Variants in SAMSN1 observed in about 807,000 individuals in gnomAD.
SAMSN1 encodes the protein SAM domain-containing protein SAMSN-1.
SAMSN1 carries 31 observed loss-of-function variants against 42.0 expected under a neutral mutation model. That is an observed-to-expected ratio of 0.74 (90% CI 0.55 to 1.00). The LOEUF (loss-of-function observed/expected upper bound fraction) is 1.00. Among genes scored for constraint, SAMSN1 ranks in the 50% least tolerant of loss-of-function variants. The pLI is 0.00. For synonymous variants in SAMSN1, 178 were observed against 151.9 expected (o/e 1.17, Z -1.26); for missense variants, 464 against 439.4 (o/e 1.06, Z -0.50).
intron 1 of SAMSN1, among the ~76,000 whole-genome samples, chr21:14,649,050 G>A (rs1201545913): frequency 6.6e-6 from 1 of 151,996 alleles, no homozygotes; most frequent in East Asian, 1.9e-4. Context: ...ACTGGATTAA[G>A]AAAATGTGGC....
At chr21:14,595,340 T>G (rs1176314537) in intron 6 of SAMSN1, among the ~76,000 whole-genome samples, 1 of 152,128 alleles carries the variant, frequency 6.6e-6, no homozygotes, top group Non-Finnish European at 1.5e-5. Flanking sequence ...GGAGCTGCCT[T>G]GCTCCCTTTT....
At chr21:14,614,297 T>G (rs111395806) in intron 3 of SAMSN1, among the ~76,000 whole-genome samples, 3,984 of 152,202 alleles carry the variant, frequency 0.026, 106 homozygotes, top group South Asian at 0.08. Context: ...GCAGTTGAGG[T>G]AGTAGAATGG....
intron 2 of SAMSN1, among the ~76,000 whole-genome samples, chr21:14,553,648 C>T (rs996978932): frequency 2.0e-5 from 3 of 152,130 alleles, no homozygotes; most frequent in African/African-American, 4.8e-5. Flanking sequence ...AGATCCTTCA[C>T]ATTTGAATGC....
At chr21:14,545,808 G>A (rs140853329) in intron 1 of SAMSN1, among the ~76,000 whole-genome samples, 62 of 152,218 alleles carry the variant, frequency 4.1e-4, no homozygotes, top group African/African-American at 1.4e-3. Context: ...CTATTTTGAA[G>A]AGCTAATTAC....
intron 2 of SAMSN1, among the ~76,000 whole-genome samples, chr21:14,636,111 G>A (rs1010534506): frequency 3.9e-5 from 6 of 151,992 alleles, no homozygotes; most frequent in East Asian, 1.9e-4. Context: ...CTATTGCTCA[G>A]AAAACTTAGG....
intron 2 of SAMSN1, among the ~76,000 whole-genome samples, chr21:14,564,886 T>A (rs1981059773): frequency 6.6e-6 from 1 of 152,032 alleles, no homozygotes; most frequent in Admixed American, 6.6e-5. Flanking sequence ...AGTTATAGCA[T>A]GCATAATTTC....
intron 7 of SAMSN1, among the ~76,000 whole-genome samples, chr21:14,494,826 G>T (rs1013637900): frequency 1.4e-4 from 21 of 152,084 alleles, no homozygotes; most frequent in African/African-American, 4.8e-4. Context: ...TTAGAAGTCT[G>T]GTTTTTTTCC....
chr21:14,560,945 G>A (rs947488687), intron 2 of SAMSN1, among the ~76,000 whole-genome samples: 5 of 151,518 alleles, frequency 3.3e-5, no homozygotes, highest in African/African-American at 7.3e-5. Flanking sequence ...AAACTAAACC[G>A]TCTTTGCAAA....
At chr21:14,592,061 G>A (rs952617733) in intron 7 of SAMSN1, 10 of 152,286 alleles carry the variant, frequency 6.6e-5, no homozygotes, top group African/African-American at 2.4e-4. Context: ...CTAGCTGGGA[G>A]TTGCCAGGAT....
Position 14,572,246 on chromosome 21 carries a change from C to A in SAMSN1, c.261+9890G>T, listed in dbSNP as rs1981324346. Among the ~76,000 whole-genome samples the A allele has an allele frequency of 2.0e-5, 3 of 152,150 alleles. 1 individual carries two copies. The highest frequency in any genetic ancestry group is 2.0e-4 in the Admixed American group (3 of 15,264). On this transcript the variant is annotated intron_variant, in intron 2 of 8. Transcript: ENST00000285670. ...GTGTCAGGTACAGTTAAAGATGTTACATACATTATCTAGTCCAATTCTTAC... is the reference window on the plus strand; with the variant it reads ...GTGTCAGGTACAGTTAAAGATGTTAAATACATTATCTAGTCCAATTCTTAC...
At chr21:14,609,429 T>C in intron 5 of SAMSN1, 1 of 716,106 alleles carries the variant, frequency 1.4e-6, no homozygotes, top group Non-Finnish European at 2.6e-6. Flanking sequence ...TTACCTGCCC[T>C]TTAAACTACT....
At chr21:14,558,789 T>C (rs1395605379) in intron 2 of SAMSN1, among the ~76,000 whole-genome samples, 2 of 152,230 alleles carry the variant, frequency 1.3e-5, no homozygotes, top group African/African-American at 2.4e-5. Flanking sequence ...GATAATGATC[T>C]ATTATTGATC....
intron 2 of SAMSN1, among the ~76,000 whole-genome samples, chr21:14,641,480 C>G (rs1211817656): frequency 6.6e-6 from 1 of 152,134 alleles, no homozygotes; most frequent in Admixed American, 6.6e-5. Flanking sequence ...CACAAAAGAT[C>G]TGAGTTTGTA....
At chr21:14,491,515 G>A (rs892266590) in intron 7 of SAMSN1, among the ~76,000 whole-genome samples, 4 of 152,200 alleles carry the variant, frequency 2.6e-5, no homozygotes, top group Non-Finnish European at 5.9e-5. Flanking sequence ...GGAAGTTGAG[G>A]CAGAGGGAAA....
At chr21:14,613,582 A>G (rs559952181) in intron 3 of SAMSN1, among the ~76,000 whole-genome samples, 5 of 152,320 alleles carry the variant, frequency 3.3e-5, no homozygotes, top group African/African-American at 9.6e-5. Context: ...GTGAGCAAAA[A>G]CATGCATAGA....
intron 1 of SAMSN1, among the ~76,000 whole-genome samples, chr21:14,544,819 G>C (rs73161259): frequency 6.6e-6 from 1 of 152,082 alleles, no homozygotes; most frequent in South Asian, 2.1e-4. Context: ...TAAAATACAG[G>C]CTTTATTAAA....
intron 1 of SAMSN1, among the ~76,000 whole-genome samples, chr21:14,523,596 A>G (rs1432718074): frequency 6.6e-6 from 1 of 152,212 alleles, no homozygotes; most frequent in Non-Finnish European, 1.5e-5. Flanking sequence ...CTGCTTATAA[A>G]CAATCTGAAC....
At chr21:14,531,848 T>A (rs1351957051) in intron 1 of SAMSN1, among the ~76,000 whole-genome samples, 1 of 152,208 alleles carries the variant, frequency 6.6e-6, no homozygotes, top group South Asian at 2.1e-4. Flanking sequence ...TTACTTCCAT[T>A]AGTCTTAAAA....
intron 2 of SAMSN1, among the ~76,000 whole-genome samples, chr21:14,635,798 C>T (rs1356131411): frequency 2.0e-5 from 3 of 151,892 alleles, no homozygotes; most frequent in Non-Finnish European, 4.4e-5. Context: ...ACATTTGATG[C>T]TCGCTGCAAA....
Sources: allele counts gnomAD v4.1 joint callset (sites outside exome capture counted in the v4.1 genomes callset), GRCh38; gene constraint gnomAD v4.1.1; transcripts MANE v1.5; gene names NCBI Gene and HGNC (gene_info 2026-07-23, HGNC 2026-07-21).